Variants in PRKCA observed in about 807,000 individuals in gnomAD.
The protein encoded by PRKCA is protein kinase C alpha type.
In PRKCA, 27 loss-of-function variants were observed where a neutral mutation model predicts 87.0. That is an observed-to-expected ratio of 0.31 (90% CI 0.23 to 0.43). The LOEUF is 0.43. Among genes scored for constraint, PRKCA ranks in the 20% least tolerant of loss-of-function variants. The pLI is 1.00. For missense variants in PRKCA, 518 were observed against 852.3 expected (o/e 0.61, Z 4.88); for synonymous variants, 329 against 311.1 (o/e 1.06, Z -0.61).
chr17:66,544,924 C>T (rs569576385), intron 3 of PRKCA, among the ~76,000 whole-genome samples: 7 of 151,952 alleles, frequency 4.6e-5, no homozygotes, highest in East Asian at 1.9e-4. Flanking sequence ...TAAATTATTA[C>T]GATTTCCTTA....
chr17:66,322,780 G>A (rs1905759546), intron 2 of PRKCA, among the ~76,000 whole-genome samples: 2 of 151,906 alleles, frequency 1.3e-5, no homozygotes, highest in South Asian at 2.1e-4. Flanking sequence ...TAGCTTTGGA[G>A]TATTCTTAGG....
chr17:66,456,398 T>C (rs1041396577), intron 2 of PRKCA, among the ~76,000 whole-genome samples: 1 of 152,158 alleles, frequency 6.6e-6, no homozygotes, highest in Non-Finnish European at 1.5e-5. Context: ...CCAACCCAAG[T>C]TTAAGAGCCG....
intron 14 of PRKCA, 111 bp downstream of exon 14, chr17:66,774,178 C>A (rs549786665): frequency 1.3e-6 from 2 of 1,578,422 alleles, no homozygotes; most frequent in Non-Finnish European, 1.7e-6. Flanking sequence ...CTGGTGTTGG[C>A]GTGACTTCCC....
At chr17:66,624,669 G>A (rs924541935) in intron 3 of PRKCA, among the ~76,000 whole-genome samples, 1 of 152,030 alleles carries the variant, frequency 6.6e-6, no homozygotes, top group African/African-American at 2.4e-5. Flanking sequence ...AGGTGTGGTG[G>A]CAGGTGCCTG....
At chr17:66,793,590 CAAAAAAAAAAAA>C (rs1168440797) in intron 16 of PRKCA, among the ~76,000 whole-genome samples, 2 of 51,592 alleles carry the variant, frequency 3.9e-5, no homozygotes, top group East Asian at 5.4e-4. Flanking sequence ...AACTCCGTCT[CAAAAAAAAAAAA>C]AAAAAAAAAA....
chr17:66,793,406 A>T (rs763614159), intron 16 of PRKCA, among the ~76,000 whole-genome samples: 1 of 152,206 alleles, frequency 6.6e-6, no homozygotes, highest in Non-Finnish European at 1.5e-5. Context: ...CCTGGCCAAC[A>T]TGGTGAAACC....
In PRKCA at chr17:66,557,444, C is replaced by CA. The variant is rs771806366; in HGVS notation, c.288+61174dup. 4.5e-3 allele frequency among the ~76,000 whole-genome samples: 480 copies of CA among 106,772 alleles called. 3 individuals carry two copies. The highest frequency in any genetic ancestry group is 0.011 in the African/African-American group (325 of 28,448). 70.0% of individuals were successfully genotyped at this position (106,772 alleles called of 152,430 possible). ...TCTTTGAATGGGTGCGAAACCTGTG[C>CA]AAAAAAAAAAAAAGATGTACACAGT... is the stretch of plus-strand genomic sequence containing the variant. On this transcript the variant is annotated intron_variant, in intron 3 of 16. Coordinates refer to ENST00000413366, the MANE Select transcript of PRKCA (RefSeq NM_002737.3).
intron 3 of PRKCA, among the ~76,000 whole-genome samples, chr17:66,588,354 A>G (rs888897527): frequency 3.9e-5 from 6 of 152,152 alleles, no homozygotes; most frequent in Non-Finnish European, 7.3e-5. Flanking sequence ...TGATTGGTAG[A>G]AATTCCTTAC....
intron 2 of PRKCA, among the ~76,000 whole-genome samples, chr17:66,350,098 G>A (rs984864760): frequency 6.6e-6 from 1 of 152,180 alleles, no homozygotes; most frequent in South Asian, 2.1e-4. Context: ...GGCCTTTCAG[G>A]TGCTGGCAGG....
At chr17:66,442,225 AT>A (rs141847660) in intron 2 of PRKCA, among the ~76,000 whole-genome samples, 524 of 143,290 alleles carry the variant, frequency 3.7e-3, no homozygotes, top group East Asian at 3.9e-3. Context: ...TGCCTGGCTG[AT>A]TTTTTTTTTT....
At chr17:66,359,862 A>T (rs1416722239) in intron 2 of PRKCA, among the ~76,000 whole-genome samples, 1 of 152,210 alleles carries the variant, frequency 6.6e-6, no homozygotes, top group African/African-American at 2.4e-5. Context: ...TGTTGCAATT[A>T]TTCTTTTGGA....
intron 2 of PRKCA, among the ~76,000 whole-genome samples, chr17:66,353,688 C>G (rs1196097329): frequency 1.3e-5 from 2 of 152,172 alleles, no homozygotes; most frequent in African/African-American, 4.8e-5. Context: ...TGCACTCCAG[C>G]CTGGGCGACA....
chr17:66,619,974 T>C (rs1239456073), intron 3 of PRKCA, among the ~76,000 whole-genome samples: 4 of 152,140 alleles, frequency 2.6e-5, no homozygotes, highest in African/African-American at 7.2e-5. Flanking sequence ...AAACAGGTTT[T>C]TGGGGGGTAA....
At chr17:66,370,931 A>G (rs920792786) in intron 2 of PRKCA, among the ~76,000 whole-genome samples, 3 of 152,168 alleles carry the variant, frequency 2.0e-5, no homozygotes, top group African/African-American at 7.2e-5. Context: ...TGTATTATAC[A>G]GATAAGCTAG....
chr17:66,682,661 A>C (rs1049272088), intron 5 of PRKCA, among the ~76,000 whole-genome samples: 1 of 152,176 alleles, frequency 6.6e-6, no homozygotes, highest in Admixed American at 6.5e-5. Context: ...AGATCTTTTA[A>C]AAAAAAACTC....
chr17:66,695,253 G>A (rs1972886579), intron 8 of PRKCA, among the ~76,000 whole-genome samples: 1 of 152,180 alleles, frequency 6.6e-6, no homozygotes, highest in Non-Finnish European at 1.5e-5. Flanking sequence ...CATGGACCTG[G>A]CTCCCTGGGG....
At chr17:66,578,307 G>A (rs1045421933) in intron 3 of PRKCA, among the ~76,000 whole-genome samples, 1 of 152,130 alleles carries the variant, frequency 6.6e-6, no homozygotes, top group Admixed American at 6.5e-5. Flanking sequence ...ACATGGTCAT[G>A]TCCCCATGGG....
At chr17:66,573,464 A>G (rs1433678126) in intron 3 of PRKCA, among the ~76,000 whole-genome samples, 2 of 152,208 alleles carry the variant, frequency 1.3e-5, no homozygotes, top group African/African-American at 2.4e-5. Context: ...TAGAATAGAA[A>G]AGAGAAAAGC....
chr17:66,352,427 G>GT (rs1262368965), intron 2 of PRKCA, among the ~76,000 whole-genome samples: 1 of 152,114 alleles, frequency 6.6e-6, no homozygotes, highest in African/African-American at 2.4e-5. Flanking sequence ...CAGCCCAGGA[G>GT]TTCTCTGCTG....
Sources: allele counts gnomAD v4.1 joint callset (sites outside exome capture counted in the v4.1 genomes callset), GRCh38; gene constraint gnomAD v4.1.1; transcripts MANE v1.5; gene names NCBI Gene and HGNC (gene_info 2026-07-23, HGNC 2026-07-21).